APOBEC3H: variants seen among roughly 807,000 people sequenced by gnomAD.
The protein encoded by APOBEC3H is DNA dC->dU-editing enzyme APOBEC-3H.
Under a neutral mutation model 21.2 loss-of-function variants are expected in APOBEC3H, and 8 were observed. That is an observed-to-expected ratio of 0.38 (90% confidence interval 0.22 to 0.68). The LOEUF is 0.68. Ranked by LOEUF, APOBEC3H falls within the 30% of genes least tolerant of loss-of-function variation. APOBEC3H has a pLI of 0.52. For synonymous variants in APOBEC3H, 88 were observed against 91.0 expected (o/e 0.97, Z 0.19); for missense variants, 229 against 228.1 (o/e 1.00, Z -0.03).
Position 39,103,994 on chromosome 22 carries a change from G to A in APOBEC3H, c.*297G>A, listed in dbSNP as rs141254024. 101 of 485,868 alleles carry A rather than the reference G, an allele frequency of 2.1e-4. No individual in the cohort carries two copies. Among genetic ancestry groups the A allele is most frequent in the African/African-American group, 1.7e-3 (90 of 51,506 alleles). 30.1% of individuals were successfully genotyped at this position (485,868 alleles called of 1,614,324 possible). A position where few individuals can be genotyped will look rare whatever the true frequency, so the allele number is the denominator to read the frequency against. On this transcript the variant is annotated 3_prime_UTR_variant, in exon 5 of 5. Coordinates refer to ENST00000442487, the MANE Select transcript of APOBEC3H (RefSeq NM_181773.5). ...AAAGTCTGTAAATCCAGCCGGGTAC[G>A]GTGGCTCACGCCTGTAATCCTAGCA... is the stretch of plus-strand genomic sequence containing the variant.
Position 39,101,239 on chromosome 22 carries a change from A to C in APOBEC3H, c.153A>C (p.Lys51Asn). The change falls in exon 3 of 5, where the codon AAA (lysine) becomes AAC (asparagine). Residue 51 changes from lysine (K) to asparagine (N), a missense_variant and splice_region_variant. Coordinates refer to ENST00000442487, the MANE Select transcript of APOBEC3H (RefSeq NM_181773.5). ...TPTRGYFENK[K>N]KCHAEICFIN... ...TCTCTGTTTGGGACCCTCCCCAGAA[A>C]AAGTGCCATGCAGAAATTTGCTTTA... 1.2e-6 allele frequency: 2 copies of C among 1,602,354 alleles called. No homozygotes were observed. The highest frequency in any genetic ancestry group is 1.7e-6 in the Non-Finnish European group (2 of 1,172,862).
At chr22:39,099,384 AAC>A (rs919894483) in intron 1 of APOBEC3H, among the ~76,000 whole-genome samples, 71 of 152,378 alleles carry the variant, frequency 4.7e-4, no homozygotes, top group African/African-American at 1.6e-3. Context: ...AAACTTGTCA[AAC>A]ACACACCTGA....
rs751968679 is a variant in APOBEC3H, at chr22:39,103,748, A to G, written c.*51A>G. The G allele has an allele frequency of 4.4e-6, 7 of 1,606,474 alleles. No homozygotes were observed. The highest frequency in any genetic ancestry group is 1.7e-4 in the Middle Eastern group (1 of 6,044). ...TAAGAAGTTTGCAGCTTGGACCCGT[A>G]TCCCACTCATTATCAAGAAGCAACT... On this transcript the variant is annotated 3_prime_UTR_variant, in exon 5 of 5. Coordinates refer to ENST00000442487, the MANE Select transcript of APOBEC3H (RefSeq NM_181773.5).
Position 39,101,796 on chromosome 22 carries a change from A to T in APOBEC3H, c.419-122A>T, listed in dbSNP as rs117925205. ...CAAGATCTGACACCACCCGGGAGGG[A>T]GAATTCCCCAGACAGAGCAATGTCC... On this transcript the variant is annotated intron_variant, in intron 3 of 4. Transcript: ENST00000442487. The T allele has an allele frequency of 0.018, 26,090 of 1,483,844 alleles. 305 individuals are homozygous for T. The highest frequency in any genetic ancestry group is 0.02 in the Non-Finnish European group (22,031 of 1,074,860). 91.9% of individuals were successfully genotyped at this position (1,483,844 alleles called of 1,614,324 possible).
At chr22:39,097,548 C>G (rs1929074365) in intron 1 of APOBEC3H, among the ~76,000 whole-genome samples, 1 of 152,186 alleles carries the variant, frequency 6.6e-6, no homozygotes, top group South Asian at 2.1e-4. Flanking sequence ...GGCCGCCTCC[C>G]CGGCCTGCAC....
At chr22:39,103,504 A>G (rs1275591808) in intron 4 of APOBEC3H, among the ~76,000 whole-genome samples, 185 bp from the exon 5 acceptor site, 2 of 152,240 alleles carry the variant, frequency 1.3e-5, no homozygotes, top group Admixed American at 1.3e-4. Context: ...CTATCAACAG[A>G]GTAAACAGAC....
chr22:39,103,883 G>A lies in APOBEC3H; in HGVS notation c.*186G>A, dbSNP rs1929506504. On this transcript the variant is annotated 3_prime_UTR_variant, in exon 5 of 5. Coordinates refer to ENST00000442487, the MANE Select transcript of APOBEC3H (RefSeq NM_181773.5). ...CTTGCCCCAACCTGGCCCCATCCAA[G>A]TACAGAAGACCTTCCTTTCCTCCTT... is the stretch of plus-strand genomic sequence containing the variant. 1 of 699,050 alleles carries A rather than the reference G, an allele frequency of 1.4e-6. No individual in the cohort carries two copies. The highest frequency in any genetic ancestry group is 2.6e-6 in the Non-Finnish European group (1 of 389,648). The allele number at this position is 699,050 out of a possible 1,614,324, so 43.3% of individuals were successfully genotyped here. A position where few individuals can be genotyped will look rare whatever the true frequency, so the allele number is the denominator to read the frequency against.
In APOBEC3H at chr22:39,101,317, C is replaced by T. The variant is rs779628543; in HGVS notation, c.231C>T (p.Thr77=). The change falls in exon 3 of 5, where the codon ACC becomes ACT. Residue 77 remains threonine (T), a synonymous_variant. Transcript: ENST00000442487. ...ACGAAACGCAGTGCTACCAAGTCAC[C>T]TGTTACCTCACGTGGAGCCCCTGCT... ...GLDETQCYQV[T]CYLTWSPCSS... 38 of 1,613,384 alleles carry T rather than the reference C, an allele frequency of 2.4e-5. No individual in the cohort carries two copies. The highest frequency in any genetic ancestry group is 3.3e-4 in the Middle Eastern group (2 of 6,084).
intron 4 of APOBEC3H, chr22:39,102,704 A>G: frequency 1.6e-6 from 1 of 632,466 alleles, no homozygotes; most frequent in East Asian, 2.8e-5. Context: ...CTCTCACCAT[A>G]TACAAAAATT....
chr22:39,097,629 G>A (rs748137251), intron 1 of APOBEC3H, among the ~76,000 whole-genome samples: 2 of 152,236 alleles, frequency 1.3e-5, no homozygotes, highest in Non-Finnish European at 2.9e-5. Context: ...CCTTGGGAGG[G>A]TGCTCTCTCT....
intron 1 of APOBEC3H, among the ~76,000 whole-genome samples, chr22:39,099,427 G>T (rs867010943): frequency 6.6e-6 from 1 of 152,206 alleles, no homozygotes; most frequent in Non-Finnish European, 1.5e-5. Context: ...GGAAGCCCCA[G>T]TTTCCACCCC....
In APOBEC3H at chr22:39,102,000, T is replaced by C. The variant is rs751445593; in HGVS notation, c.501T>C (p.Asp167=). 2 of 1,562,440 alleles carry C rather than the reference T, an allele frequency of 1.3e-6. No individual in the cohort carries two copies. The highest frequency in any genetic ancestry group is 8.6e-7 in the Non-Finnish European group (1 of 1,160,630). The stretch of plus-strand genomic sequence containing the variant: ...CCTATAAGATGTTAGAGGAGCTAGA[T>C]AAAAACAGTCGAGCCATAAAGCGAC... ...FNPYKMLEEL[D]KNSRAIKRRL... The change falls in exon 4 of 5, where the codon GAT becomes GAC. Residue 167 remains aspartate, a synonymous_variant. Transcript: ENST00000442487.
In APOBEC3H at chr22:39,101,244, G is replaced by T. The variant is rs1176452000; in HGVS notation, c.158G>T (p.Cys53Phe). The change falls in exon 3 of 5, where the codon TGC (cysteine) becomes TTC (phenylalanine). Residue 53 changes from cysteine to phenylalanine, a missense_variant. Transcript: ENST00000442487. Reference sequence around the variant, plus strand: ...GTTTGGGACCCTCCCCAGAAAAAGTGCCATGCAGAAATTTGCTTTATTAAC... The same window carrying T: ...GTTTGGGACCCTCCCCAGAAAAAGTTCCATGCAGAAATTTGCTTTATTAAC... Reference protein sequence around the residue: ...TRGYFENKKKCHAEICFINEI... With the variant: ...TRGYFENKKKFHAEICFINEI... 6.2e-7 allele frequency: 1 copy of T among 1,603,034 alleles called. No individual in the cohort carries two copies. Among genetic ancestry groups the T allele is most frequent in the African/African-American group, 1.3e-5 (1 of 74,122 alleles).
At position 39,101,391 on chromosome 22, in the gene APOBEC3H, T is replaced by C. The variant is rs767772341; in HGVS notation, c.305T>C (p.Leu102Pro). Residue 102 changes from leucine to proline, a missense_variant, in exon 3 of 5, where the codon CTG becomes CCG. Leu to Pro is a moderately conservative substitution (Grantham distance 98). Coordinates refer to ENST00000442487, the MANE Select transcript of APOBEC3H (RefSeq NM_181773.5). The stretch of plus-strand genomic sequence containing the variant: ...GACTTCATCAAGGCTCACGACCATC[T>C]GAACCTGGGCATCTTCGCCTCCCGC... ...LVDFIKAHDH[L>P]NLGIFASRLY... 6 of 1,612,432 alleles carry C rather than the reference T, an allele frequency of 3.7e-6. No individual in the cohort carries two copies. The highest frequency in any genetic ancestry group is 1.6e-4 in the Middle Eastern group (1 of 6,068).
Position 39,103,857 on chromosome 22 carries a change from C to T in APOBEC3H, c.*160C>T. 1.1e-6 allele frequency: 1 copy of T among 905,354 alleles called. No homozygotes were observed. Among genetic ancestry groups the T allele is most frequent in the South Asian group, 1.4e-5 (1 of 72,842 alleles). 56.1% of individuals were successfully genotyped at this position (905,354 alleles called of 1,614,324 possible). On this transcript the variant is annotated 3_prime_UTR_variant, in exon 5 of 5. Transcript: ENST00000442487. ...AGCACTAAGCTCCACAGTGCCAGTT[C>T]CTTGCCCCAACCTGGCCCCATCCAA... is the stretch of plus-strand genomic sequence containing the variant.
chr22:39,100,605 G>A lies in APOBEC3H; in HGVS notation c.150+177G>A, dbSNP rs1452605619. The A allele has an allele frequency of 4.9e-6, 4 of 809,622 alleles. No individual in the cohort carries two copies. In the African/African-American group the frequency reaches 7.0e-5, roughly 14 times the overall value. 50.2% of individuals were successfully genotyped at this position (809,622 alleles called of 1,614,324 possible). The stretch of plus-strand genomic sequence containing the variant: ...GGCTTAGCTGGATCTGAGTGGCCCA[G>A]TTTCCCTAGGACACTCCCATTCTTT... On this transcript the variant is annotated intron_variant, in intron 2 of 4. Transcript: ENST00000442487.
Position 39,101,298 on chromosome 22 carries a change from C to G in APOBEC3H, c.212C>G (p.Thr71Arg). The G allele has an allele frequency of 6.2e-7, 1 of 1,613,588 alleles. No homozygotes were observed. The highest frequency in any genetic ancestry group is 8.5e-7 in the Non-Finnish European group (1 of 1,179,946). Residue 71 changes from threonine (T) to arginine (R), a missense_variant, in exon 3 of 5, where the codon ACG becomes AGG. Coordinates refer to ENST00000442487, the MANE Select transcript of APOBEC3H (RefSeq NM_181773.5). ...ATCAAGTCCATGGGACTGGACGAAA[C>G]GCAGTGCTACCAAGTCACCTGTTAC... is the stretch of plus-strand genomic sequence containing the variant. The part of the protein sequence containing the change: ...NEIKSMGLDE[T>R]QCYQVTCYLT...
At position 39,100,574 on chromosome 22, in the gene APOBEC3H, G is replaced by A; in HGVS notation, c.150+146G>A. On this transcript the variant is annotated intron_variant, in intron 2 of 4. Coordinates refer to ENST00000442487, the MANE Select transcript of APOBEC3H (RefSeq NM_181773.5). Reference sequence around the variant, plus strand: ...TTTCGTAACCCTTGGTGCCTGCCTGGGTTTTGGCTTAGCTGGATCTGAGTG... The same window carrying A: ...TTTCGTAACCCTTGGTGCCTGCCTGAGTTTTGGCTTAGCTGGATCTGAGTG... 3.4e-6 allele frequency: 4 copies of A among 1,160,610 alleles called. No individual in the cohort carries two copies. In the South Asian group the frequency reaches 4.9e-5, roughly 14 times the overall value. The allele number at this position is 1,160,610 out of a possible 1,614,324, so 71.9% of individuals were successfully genotyped here.
intron 2 of APOBEC3H, 80 bp from the exon 3 acceptor site, chr22:39,101,141 CCCATCCCCGCCCCCGT>C: frequency 7.9e-6 from 3 of 379,192 alleles, no homozygotes; most frequent in Non-Finnish European, 1.5e-5. Context: ...CCTCTGCCCC[CCCATCCCCGCCCCCGT>C]CCCGGCCCCC....
Sources: allele counts gnomAD v4.1 joint callset (sites outside exome capture counted in the v4.1 genomes callset), GRCh38; gene constraint gnomAD v4.1.1; transcripts MANE v1.5; gene names NCBI Gene and HGNC (gene_info 2026-07-23, HGNC 2026-07-21).